The following CNIH3 variants were observed in gnomAD, a reference collection of about 807,000 sequenced individuals.
The protein encoded by CNIH3 is protein cornichon homolog 3.
CNIH3 carries 14 observed loss-of-function variants against 24.1 expected under a neutral mutation model. The observed-to-expected ratio is 0.58, with a 90% CI of 0.38 to 0.91. The LOEUF is 0.91. Among genes scored for constraint, CNIH3 ranks in the 40% least tolerant of loss-of-function variants. The pLI is 0.00. For synonymous variants in CNIH3, 68 were observed against 73.8 expected (o/e 0.92, Z 0.40); for missense variants, 178 against 196.8 (o/e 0.90, Z 0.57).
chr1:224,561,606 C>T (rs1041098621), intron 3 of CNIH3, among the ~76,000 whole-genome samples: 5 of 152,222 alleles, frequency 3.3e-5, no homozygotes, highest in African/African-American at 4.8e-5. Context: ...AGATACTACC[C>T]GTCAGCCAAA....
downstream of CNIH3, among the ~76,000 whole-genome samples, chr1:224,590,396 C>A (rs1681701586): frequency 1.3e-5 from 2 of 152,122 alleles, no homozygotes; most frequent in Admixed American, 6.5e-5. Flanking sequence ...TGTATGTATG[C>A]CAAACAGTCT....
At chr1:224,553,297 C>T (rs969194163) in intron 3 of CNIH3, among the ~76,000 whole-genome samples, 1 of 151,704 alleles carries the variant, frequency 6.6e-6, no homozygotes, top group Admixed American at 6.6e-5. Flanking sequence ...AGGGTGTACA[C>T]CCCCTGTGAT....
rs16841702 is a variant in CNIH3 at position 224,565,435 on chromosome 1, C to A, written n.451-764C>A. On this transcript the variant is annotated intron_variant and non_coding_transcript_variant, in intron 3 of 5. Transcript: ENST00000471578. ...CTGTTCATTGCCTGGGTTTGTCCAG[C>A]GGGCCTGAAGCCATGGAGAGCATAA... 8 of 152,076 alleles carry A rather than the reference C, an allele frequency of 5.3e-5. No homozygotes were observed. The East Asian group carries it at 1.4e-3, about 26-fold the overall frequency. The allele number at this position is 152,076 out of a possible 1,614,324, so 9.4% of individuals were successfully genotyped here.
intron 1 of CNIH3, among the ~76,000 whole-genome samples, chr1:224,632,248 A>G (rs867952870): frequency 1.1e-4 from 17 of 152,180 alleles, no homozygotes; most frequent in Admixed American, 2.6e-4. Context: ...CCGGGCCTCT[A>G]TGTCTCCCTA....
chr1:224,634,573 CAAAAAAAAAAAT>C (rs1202303870), intron 1 of CNIH3, among the ~76,000 whole-genome samples: 4 of 110,958 alleles, frequency 3.6e-5, no homozygotes, highest in African/African-American at 1.6e-4. Flanking sequence ...ACTCTGTCTC[CAAAAAAAAAAAT>C]AAAAAAAAAA....
At chr1:224,515,569 T>C (rs910551362), upstream of CNIH3, among the ~76,000 whole-genome samples, 5 of 152,242 alleles carry the variant, frequency 3.3e-5, no homozygotes, top group African/African-American at 9.6e-5. Context: ...CCTTGAAATA[T>C]GGCTAACAAC....
intron 3 of CNIH3, among the ~76,000 whole-genome samples, chr1:224,553,744 T>C (rs978815920): frequency 7.2e-6 from 1 of 139,256 alleles, no homozygotes; most frequent in Non-Finnish European, 1.5e-5. Flanking sequence ...TTTTCTTTCT[T>C]TCTTTTTTTT....
upstream of CNIH3, among the ~76,000 whole-genome samples, chr1:224,612,053 T>C (rs1304018752): frequency 6.6e-6 from 1 of 152,182 alleles, no homozygotes; most frequent in Non-Finnish European, 1.5e-5. This position sits in a 1 kb window ranked among gnomAD's most constrained non-coding sequence, Gnocchi z 4.7. Context: ...GATGGAGACT[T>C]GAAAGTCACA....
chr1:224,696,035 CAG>C (rs994886367), intron 3 of CNIH3, among the ~76,000 whole-genome samples: 1 of 152,138 alleles, frequency 6.6e-6, no homozygotes, highest in African/African-American at 2.4e-5. Flanking sequence ...CTGTGAGTAA[CAG>C]AGACCCACTA....
At chr1:224,693,434 G>A (rs1309138930) in intron 3 of CNIH3, among the ~76,000 whole-genome samples, 1 of 152,204 alleles carries the variant, frequency 6.6e-6, no homozygotes, top group Non-Finnish European at 1.5e-5. Context: ...CGAGTCCATG[G>A]GTCATGTGGT....
intron 1 of CNIH3, among the ~76,000 whole-genome samples, chr1:224,640,197 T>A (rs1684289222): frequency 6.7e-6 from 1 of 148,688 alleles, no homozygotes. Context: ...TCGCTATTCA[T>A]GTGTGTGTGT....
chr1:224,510,644 A>G (rs1290855575), intron 1 of CNIH3, among the ~76,000 whole-genome samples: 2 of 151,850 alleles, frequency 1.3e-5, no homozygotes, highest in African/African-American at 4.8e-5. Context: ...AACTAGAACC[A>G]TATTAATGTC....
chr1:224,659,151 G>A (rs754761411), intron 1 of CNIH3, among the ~76,000 whole-genome samples: 1 of 152,084 alleles, frequency 6.6e-6, no homozygotes, highest in Non-Finnish European at 1.5e-5. Context: ...TTTAATTTCT[G>A]GCCCTGCGTC....
intron 1 of CNIH3, among the ~76,000 whole-genome samples, chr1:224,617,832 G>A (rs1395556780): frequency 6.6e-6 from 1 of 152,172 alleles, no homozygotes; most frequent in Non-Finnish European, 1.5e-5. Flanking sequence ...AGGAGGCGAG[G>A]GAGACTGGGA....
chr1:224,676,804 C>A (rs1228925620), intron 1 of CNIH3, among the ~76,000 whole-genome samples: 1 of 152,194 alleles, frequency 6.6e-6, no homozygotes, highest in East Asian at 1.9e-4. Context: ...CACAGTGGGG[C>A]CCGTGGCTTC....
At chr1:224,459,350 T>C in intron 1 of CNIH3, 1 of 437,718 alleles carries the variant, frequency 2.3e-6, no homozygotes, top group Non-Finnish European at 3.0e-6. Context: ...AAGAAATCCT[T>C]GCAGTATGAA....
At chr1:224,716,992 A>C (rs1373880380) in intron 3 of CNIH3, among the ~76,000 whole-genome samples, 1 of 152,180 alleles carries the variant, frequency 6.6e-6, no homozygotes, top group Non-Finnish European at 1.5e-5. Context: ...TGCAATACCT[A>C]GGGACGGGTG....
intron 1 of CNIH3, among the ~76,000 whole-genome samples, chr1:224,656,537 G>A (rs1422108169): frequency 6.6e-6 from 1 of 152,106 alleles, no homozygotes; most frequent in Non-Finnish European, 1.5e-5. Context: ...GGGTATAAGG[G>A]CGGCGGGCGG....
chr1:224,589,766 A>G (rs1322929682), downstream of CNIH3, among the ~76,000 whole-genome samples: 1 of 152,222 alleles, frequency 6.6e-6, no homozygotes, highest in Non-Finnish European at 1.5e-5. Context: ...TGAGAAAGGA[A>G]AAGTGGAGCC....
Sources: gnomAD v4.1 joint callset for allele counts (sites outside exome capture counted in the v4.1 genomes callset) on GRCh38, gnomAD v4.1.1 for gene constraint, Gnocchi (gnomAD v3.1) non-coding constraint, MANE v1.5 for transcripts, NCBI Gene and HGNC (gene_info 2026-07-23, HGNC 2026-07-21) for gene names.